Variants in SMAD4 observed in about 807,000 individuals in gnomAD.
SMAD4 encodes SMAD family member 4.
A neutral mutation model predicts 63.2 loss-of-function variants in SMAD4; 7 were observed. The observed-to-expected ratio is 0.11, with a 90% CI of 0.06 to 0.21. The LOEUF is 0.21. Ranked by LOEUF, SMAD4 falls within the 10% of genes least tolerant of loss-of-function variation. The pLI is 1.00. For synonymous variants in SMAD4, 215 were observed against 235.4 expected (o/e 0.91, Z 0.79); for missense variants, 312 against 693.8 (o/e 0.45, Z 6.18).
intron 5 of SMAD4, 25 bp downstream of exon 5, chr18:51,055,018 C>T (rs1247586924): frequency 1.3e-6 from 2 of 1,562,366 alleles, no homozygotes; most frequent in Admixed American, 1.7e-5. Flanking sequence ...CAGATGTAGT[C>T]AGCAAGTTGA....
rs1909247290 is a variant in SMAD4 at position 51,037,777 on chromosome 18, A to G, written c.-128+7154A>G. On this transcript the variant is annotated intron_variant, in intron 1 of 11. Coordinates refer to ENST00000342988, the MANE Select transcript of SMAD4 (RefSeq NM_005359.6). ...TTAACAGGATGACAGATAAGCTCAGATAGCTATTTAGATTTGAGTATTTGG... is the reference window on the plus strand; with the variant it reads ...TTAACAGGATGACAGATAAGCTCAGGTAGCTATTTAGATTTGAGTATTTGG... Among the ~76,000 whole-genome samples the G allele has an allele frequency of 2.0e-5, 3 of 152,206 alleles. No individual in the cohort carries two copies. In the South Asian group the frequency reaches 6.2e-4, roughly 32 times the overall value.
In SMAD4 at chr18:51,067,095, G is replaced by A. The variant is rs794726995; in HGVS notation, c.1216G>A (p.Ala406Thr). ...TTGGGTCAGGTGCCTTAGTGACCACGCGGTCTTTGTACAGAGTTACTACTT... is the reference window on the plus strand; with the variant it reads ...TTGGGTCAGGTGCCTTAGTGACCACACGGTCTTTGTACAGAGTTACTACTT... ...DVWVRCLSDH[A>T]VFVQSYYLDR... Residue 406 changes from alanine (A) to threonine (T), a missense_variant, in exon 10 of 12, where the codon GCG becomes ACG. Ala to Thr is a moderately conservative substitution (Grantham distance 58, BLOSUM62 0). This residue lies in a region of SMAD4 where 92 missense variants were observed against 305.9 expected (regional missense o/e 0.30). Transcript: ENST00000342988. 1 of 1,611,674 alleles carries A rather than the reference G, an allele frequency of 6.2e-7. No individual in the cohort carries two copies. The highest frequency in any genetic ancestry group is 8.5e-7 in the Non-Finnish European group (1 of 1,177,770).
At chr18:51,067,613 A>G (rs928423274) in intron 10 of SMAD4, among the ~76,000 whole-genome samples, 1 of 152,030 alleles carries the variant, frequency 6.6e-6, no homozygotes, top group Non-Finnish European at 1.5e-5. Context: ...GGGTTTCACC[A>G]TGTTGGCCAG....
chr18:51,055,873 C>G (rs953759347), intron 5 of SMAD4, among the ~76,000 whole-genome samples: 1 of 152,006 alleles, frequency 6.6e-6, no homozygotes, highest in African/African-American at 2.4e-5. Flanking sequence ...ATTGTATTTG[C>G]TTTACTATCA....
In SMAD4 at chr18:51,079,931, TC is replaced by T. The variant is rs1910568612; in HGVS notation, c.*1468del. The stretch of plus-strand genomic sequence containing the variant: ...TTTTCCCTCACACTCTACCGGGACT[TC>T]CCCATGGACATTGTGTATCATGTGT... On this transcript the variant is annotated 3_prime_UTR_variant, in exon 12 of 12. Coordinates refer to ENST00000342988, the MANE Select transcript of SMAD4 (RefSeq NM_005359.6). 4.3e-6 allele frequency: 1 copy of T among 232,408 alleles called. No individual in the cohort carries two copies. The highest frequency in any genetic ancestry group is 2.2e-5 in the African/African-American group (1 of 45,278). 14.4% of individuals were successfully genotyped at this position (232,408 alleles called of 1,614,324 possible).
chr18:51,053,551 C>T (rs1909764870), intron 4 of SMAD4: 1 of 152,028 alleles, frequency 6.6e-6, no homozygotes, highest in Non-Finnish European at 1.5e-5. Flanking sequence ...ATTTATAGGT[C>T]TTCAGAATAT....
At chr18:51,056,611 C>G (rs1377812709) in intron 5 of SMAD4, among the ~76,000 whole-genome samples, 1 of 114,760 alleles carries the variant, frequency 8.7e-6, no homozygotes, top group African/African-American at 3.3e-5. Flanking sequence ...CACAGCGAGA[C>G]TCCATCTCCA....
chr18:51,058,497 T>G (rs2144429847), intron 7 of SMAD4, 41 bp downstream of exon 7: 1 of 1,362,790 alleles, frequency 7.3e-7, no homozygotes, highest in African/African-American at 1.4e-5. Flanking sequence ...TTTTTTTTTT[T>G]TTTTGGTAGG....
chr18:51,060,911 T>G (rs1909993500), intron 8 of SMAD4, among the ~76,000 whole-genome samples: 1 of 151,914 alleles, frequency 6.6e-6, no homozygotes, highest in Non-Finnish European at 1.5e-5. Context: ...ATTTATTTAT[T>G]TATTTTTTTC....
rs1555686072 is a variant in SMAD4, at chr18:51,059,875, A to G, written c.914A>G (p.His305Arg). ...GTTGTCTTTTCTTTAGGGCCTGTTC[A>G]CAATGAGCTTGCATTCCAGCCTCCC... is the stretch of plus-strand genomic sequence containing the variant. ...PPHPGHYWPVHNELAFQPPIS... is the reference protein window; with the variant it reads ...PPHPGHYWPVRNELAFQPPIS... Residue 305 changes from histidine to arginine, a missense_variant, in exon 8 of 12, where the codon CAC becomes CGC. Physicochemically the swap from His to Arg is conservative, Grantham distance 29. This residue lies in a region of SMAD4 where 169 missense variants were observed against 211.0 expected (regional missense o/e 0.80). Transcript: ENST00000342988. The G allele has an allele frequency of 1.2e-6, 2 of 1,613,162 alleles. No homozygotes were observed. The highest frequency in any genetic ancestry group is 1.7e-6 in the Non-Finnish European group (2 of 1,179,220).
intron 1 of SMAD4, among the ~76,000 whole-genome samples, chr18:51,043,064 C>A (rs956201557): frequency 2.6e-5 from 4 of 152,198 alleles, no homozygotes; most frequent in African/African-American, 9.7e-5. Flanking sequence ...TGGAAGTACA[C>A]ATTATATATT....
chr18:51,082,655 T>C lies in SMAD4; in HGVS notation c.*4188T>C, dbSNP rs1386876775. 1.3e-5 allele frequency: 3 copies of C among 231,514 alleles called. No individual in the cohort carries two copies. The highest frequency in any genetic ancestry group is 2.6e-5 in the Non-Finnish European group (3 of 117,098). 14.3% of individuals were successfully genotyped at this position (231,514 alleles called of 1,614,324 possible). A position where few individuals can be genotyped will look rare whatever the true frequency, so the allele number is the denominator to read the frequency against. On this transcript the variant is annotated 3_prime_UTR_variant, in exon 12 of 12. Transcript: ENST00000342988. ...TCTGTGCTTGGCTATCTTTGTGGACTTCAGGGGCTTCTAAAACAGACAGGA... is the reference window on the plus strand; with the variant it reads ...TCTGTGCTTGGCTATCTTTGTGGACCTCAGGGGCTTCTAAAACAGACAGGA...
intron 4 of SMAD4, among the ~76,000 whole-genome samples, chr18:51,050,427 A>G (rs1466646439): frequency 1.3e-5 from 2 of 151,758 alleles, no homozygotes; most frequent in Non-Finnish European, 2.9e-5. Flanking sequence ...TGGGAGGCCG[A>G]GGAGGGCGGA....
At position 51,081,442 on chromosome 18, in the gene SMAD4, CA is replaced by C. The variant is rs1910611199; in HGVS notation, c.*2978del. ...TTAATAGTTTACCGCCCCTGGTATA[CA>C]AAGATAATGACAATAAATCACTGCC... On this transcript the variant is annotated 3_prime_UTR_variant, in exon 12 of 12. Coordinates refer to ENST00000342988, the MANE Select transcript of SMAD4 (RefSeq NM_005359.6). 1 of 230,464 alleles carries C rather than the reference CA, an allele frequency of 4.3e-6. No individual in the cohort carries two copies. The highest frequency in any genetic ancestry group is 5.7e-5 in the Admixed American group (1 of 17,682). The allele number at this position is 230,464 out of a possible 1,614,324, so 14.3% of individuals were successfully genotyped here. A position where few individuals can be genotyped will look rare whatever the true frequency, so the allele number is the denominator to read the frequency against.
intron 4 of SMAD4, among the ~76,000 whole-genome samples, chr18:51,050,463 TC>T (rs1238092642): frequency 2.7e-5 from 4 of 150,766 alleles, no homozygotes; most frequent in Admixed American, 2.0e-4. Context: ...ATCGAGACCA[TC>T]CTGGCTAACA....
At chr18:51,038,712 T>C (rs2144383899) in intron 1 of SMAD4, among the ~76,000 whole-genome samples, 1 of 152,368 alleles carries the variant, frequency 6.6e-6, no homozygotes, top group East Asian at 1.9e-4. Flanking sequence ...CTCTGATTCC[T>C]GACTTTGTTT....
chr18:51,036,181 C>G (rs999376675), intron 1 of SMAD4, among the ~76,000 whole-genome samples: 3 of 151,876 alleles, frequency 2.0e-5, no homozygotes, highest in Non-Finnish European at 4.4e-5. Context: ...GGGCGGGGGT[C>G]TTGCTTTGTT....
Position 51,054,871 on chromosome 18 carries a change from T to C in SMAD4, c.545T>C (p.Ile182Thr), listed in dbSNP as rs2144418652. 6.2e-7 allele frequency: 1 copy of C among 1,614,106 alleles called. No homozygotes were observed. The highest frequency in any genetic ancestry group is 8.5e-7 in the Non-Finnish European group (1 of 1,179,934). Residue 182 changes from isoleucine to threonine, a missense_variant, in exon 5 of 12, where the codon ATC (isoleucine) becomes ACC (threonine). This residue lies in a region of SMAD4 where 169 missense variants were observed against 211.0 expected (regional missense o/e 0.80). Coordinates refer to ENST00000342988, the MANE Select transcript of SMAD4 (RefSeq NM_005359.6). ...ACTGAAGGACATTCAATTCAAACCA[T>C]CCAGCATCCACCAAGTAATCGTGCA... The part of the protein sequence containing the change: ...LSTEGHSIQT[I>T]QHPPSNRAST...
At chr18:51,040,914 G>A (rs1175240346) in intron 1 of SMAD4, among the ~76,000 whole-genome samples, 1 of 152,162 alleles carries the variant, frequency 6.6e-6, no homozygotes, top group Non-Finnish European at 1.5e-5. Flanking sequence ...AGCTGAATTT[G>A]TTACATACCT....
Sources: allele counts gnomAD v4.1 joint callset (sites outside exome capture counted in the v4.1 genomes callset), GRCh38; gene constraint gnomAD v4.1.1; regional missense constraint gnomAD v4.1.1; transcripts MANE v1.5; gene names NCBI Gene and HGNC (gene_info 2026-07-23, HGNC 2026-07-21).